Variants in WDPCP observed in about 807,000 individuals in gnomAD.
The protein encoded by WDPCP is WD repeat containing planar cell polarity effector.
Under a neutral mutation model 93.1 loss-of-function variants are expected in WDPCP, and 71 were observed. The ratio of observed to expected loss-of-function variants is 0.76; its 90% CI spans 0.63 to 0.93. The LOEUF is 0.93. Ranked by LOEUF, WDPCP falls within the 40% of genes least tolerant of loss-of-function variation. The pLI, the probability that WDPCP is intolerant of heterozygous loss-of-function variation, is 0.00. For synonymous variants in WDPCP, 315 were observed against 315.0 expected, an observed-to-expected ratio of 1.00 and a Z score of 0.00; for missense variants, 844 against 887.4, an observed-to-expected ratio of 0.95 and a Z score of 0.62.
intron 14 of WDPCP, among the ~76,000 whole-genome samples, chr2:63,213,798 C>T (rs767871212): frequency 1.3e-5 from 2 of 151,872 alleles, no homozygotes; most frequent in African/African-American, 2.4e-5. Flanking sequence ...ATATCAACAC[C>T]GATCCCACAG....
chr2:63,836,331 C>G, the WDPCP span, among the ~76,000 whole-genome samples: 1 of 152,106 alleles, frequency 6.6e-6, no homozygotes, highest in East Asian at 1.9e-4. Context: ...CATCAAAAGT[C>G]ATTTGATGGA....
chr2:63,254,160 T>C (rs181157292), intron 14 of WDPCP, among the ~76,000 whole-genome samples: 54 of 152,264 alleles, frequency 3.5e-4, no homozygotes, highest in Admixed American at 3.3e-3. Flanking sequence ...TATTCTCATA[T>C]GTAAGTGGGA....
intron 9 of WDPCP, among the ~76,000 whole-genome samples, chr2:63,429,478 C>T (rs1696563671): frequency 6.6e-6 from 1 of 152,070 alleles, no homozygotes; most frequent in East Asian, 1.9e-4. Context: ...CTATAAGGAA[C>T]ATAAACAAAT....
chr2:63,672,220 A>C (rs984708239), intron 2 of WDPCP, among the ~76,000 whole-genome samples: 6 of 152,312 alleles, frequency 3.9e-5, no homozygotes, highest in Admixed American at 3.9e-4. Context: ...TGTCCAGCCA[A>C]TCCTGCAGAT....
At chr2:63,465,058 T>TA (rs565825276) in intron 6 of WDPCP, among the ~76,000 whole-genome samples, 4 of 151,972 alleles carry the variant, frequency 2.6e-5, no homozygotes, top group East Asian at 1.9e-4. Context: ...TTTATCACAA[T>TA]AAAAAAATTA....
intron 13 of WDPCP, among the ~76,000 whole-genome samples, chr2:63,268,173 A>T (rs1330889318): frequency 6.6e-6 from 1 of 152,208 alleles, no homozygotes; most frequent in Non-Finnish European, 1.5e-5. Flanking sequence ...CATTTGTGAC[A>T]ATATGGATGG....
chr2:63,287,287 A>G (rs1164052316), intron 13 of WDPCP, among the ~76,000 whole-genome samples: 1 of 150,038 alleles, frequency 6.7e-6, no homozygotes, highest in East Asian at 1.9e-4. Flanking sequence ...CCATGACACC[A>G]TCCATTCTTT....
Position 63,348,772 on chromosome 2 carries a change from A to T in WDPCP, c.1748+29614T>A, listed in dbSNP as rs1322940226. Among the ~76,000 whole-genome samples the T allele has an allele frequency of 2.6e-5, 4 of 152,330 alleles. No homozygotes were observed. In the East Asian group the frequency reaches 7.7e-4, roughly 29 times the overall value. On this transcript the variant is annotated intron_variant, in intron 12 of 17. Coordinates refer to ENST00000272321, the MANE Select transcript of WDPCP (RefSeq NM_015910.7). ...ATTAATGGCAGCAAGTATATTTAAAAAATAAGAATATGAGTAAAAAGATAA... is the reference window on the plus strand; with the variant it reads ...ATTAATGGCAGCAAGTATATTTAAATAATAAGAATATGAGTAAAAAGATAA...
intron 1 of WDPCP, among the ~76,000 whole-genome samples, chr2:63,824,222 T>C (rs1392211536): frequency 1.3e-5 from 2 of 152,214 alleles, no homozygotes; most frequent in Non-Finnish European, 2.9e-5. Flanking sequence ...CCTGCCACCA[T>C]GTAAGACATG....
chr2:63,420,661 C>T (rs1036045947), intron 9 of WDPCP, among the ~76,000 whole-genome samples: 8 of 152,136 alleles, frequency 5.3e-5, no homozygotes, highest in African/African-American at 1.4e-4. Context: ...ATGCATACTA[C>T]TACTTCATCA....
chr2:63,727,603 C>A (rs1439219526), intron 2 of WDPCP, among the ~76,000 whole-genome samples: 3 of 152,086 alleles, frequency 2.0e-5, no homozygotes, highest in Non-Finnish European at 4.4e-5. Flanking sequence ...CTCTATTTTT[C>A]TGAATAGTTT....
chr2:63,611,366 T>C (rs1164387116), intron 3 of WDPCP, among the ~76,000 whole-genome samples: 1 of 152,226 alleles, frequency 6.6e-6, no homozygotes, highest in East Asian at 1.9e-4. Context: ...TAGTTTGTTA[T>C]GAAAGCAGCA....
chr2:63,188,840 C>CATGGTCCCGTTTCTTTGT (rs1674828555), intron 14 of WDPCP, among the ~76,000 whole-genome samples: 1 of 152,064 alleles, frequency 6.6e-6, no homozygotes, highest in Non-Finnish European at 1.5e-5. Context: ...TTGGTCAGGC[C>CATGGTCCCGTTTCTTTGT]ATGGTCCCGT....
At chr2:63,776,269 A>C (rs1250874778) in intron 2 of WDPCP, among the ~76,000 whole-genome samples, 2 of 152,138 alleles carry the variant, frequency 1.3e-5, no homozygotes, top group Non-Finnish European at 2.9e-5. Context: ...TTGTATCCAG[A>C]ATACATGAAG....
chr2:63,373,251 G>GTTTT (rs751961511), intron 12 of WDPCP, among the ~76,000 whole-genome samples: 1 of 107,498 alleles, frequency 9.3e-6, no homozygotes, highest in African/African-American at 3.4e-5. Flanking sequence ...TCATTTTTTT[G>GTTTT]TTGTTTTTTT....
intron 14 of WDPCP, chr2:63,232,748 A>G (rs1679032542): frequency 6.5e-6 from 1 of 153,362 alleles, no homozygotes; most frequent in South Asian, 2.1e-4. Flanking sequence ...ATCCTTTAGA[A>G]CATCCAATAT....
chr2:63,765,897 G>T (rs886574716), intron 2 of WDPCP, among the ~76,000 whole-genome samples: 2 of 152,204 alleles, frequency 1.3e-5, no homozygotes, highest in Non-Finnish European at 2.9e-5. Context: ...CCAGGAATGA[G>T]CTGCGTGAAG....
chr2:63,319,213 T>C (rs917364583), intron 12 of WDPCP, among the ~76,000 whole-genome samples: 39 of 152,338 alleles, frequency 2.6e-4, no homozygotes, highest in Admixed American at 1.9e-3. Context: ...GAACAATATT[T>C]CCTAGGTTTT....
At chr2:63,823,798 A>C (rs2104139470) in intron 1 of WDPCP, among the ~76,000 whole-genome samples, 1 of 152,328 alleles carries the variant, frequency 6.6e-6, no homozygotes, top group African/African-American at 2.4e-5. Flanking sequence ...AAACAGATAA[A>C]TGTGAACTGT....
Sources: allele counts gnomAD v4.1 joint callset (sites outside exome capture counted in the v4.1 genomes callset), GRCh38; gene constraint gnomAD v4.1.1; transcripts MANE v1.5; gene names NCBI Gene and HGNC (gene_info 2026-07-23, HGNC 2026-07-21).